The following SLC39A11 variants were observed in gnomAD, a reference collection of about 807,000 sequenced individuals.
SLC39A11 encodes the protein solute carrier family 39 member 11, also known as zinc transporter ZIP11.
SLC39A11 carries 33 observed loss-of-function variants against 36.1 expected under a neutral mutation model. The ratio of observed to expected loss-of-function variants is 0.91; its 90% confidence interval spans 0.69 to 1.22. SLC39A11 has a LOEUF of 1.22. Ranked by LOEUF, SLC39A11 falls within the 50% of genes most tolerant of loss-of-function variation. The pLI, the probability that SLC39A11 is intolerant of heterozygous loss-of-function variation, is 0.00. For missense variants in SLC39A11, 432 were observed against 430.3 expected, an observed-to-expected ratio of 1.00 and a Z score of -0.03; for synonymous variants, 166 against 170.3, an observed-to-expected ratio of 0.97 and a Z score of 0.20.
At chr17:72,882,597 T>C (rs1174370518) in intron 5 of SLC39A11, among the ~76,000 whole-genome samples, 2 of 152,098 alleles carry the variant, frequency 1.3e-5, no homozygotes, top group Admixed American at 6.6e-5. Flanking sequence ...AGATTGTCTT[T>C]AAACCATAGA....
chr17:73,008,165 G>GTT (rs1555676170), intron 4 of SLC39A11, among the ~76,000 whole-genome samples: 1,004 of 32,790 alleles, frequency 0.031, 16 homozygotes, highest in East Asian at 0.12. Flanking sequence ...TTTTTTTTTT[G>GTT]TTTTTTTTTT....
chr17:72,711,156 C>T (rs34925518), intron 7 of SLC39A11, among the ~76,000 whole-genome samples: 30,676 of 152,166 alleles, frequency 0.2, 3,848 homozygotes, highest in Admixed American at 0.34. Flanking sequence ...AGCCTGGTTG[C>T]CTAAGGCAGG....
At chr17:72,909,974 G>A (rs1057040004) in intron 5 of SLC39A11, among the ~76,000 whole-genome samples, 7 of 151,514 alleles carry the variant, frequency 4.6e-5, no homozygotes, top group East Asian at 3.9e-4. Flanking sequence ...GGATGGTCTC[G>A]ATCTCCTCAC....
intron 7 of SLC39A11, among the ~76,000 whole-genome samples, chr17:72,668,608 A>G (rs1270396468): frequency 6.6e-6 from 1 of 152,230 alleles, no homozygotes; most frequent in African/African-American, 2.4e-5. Context: ...CAAAGTGAGG[A>G]GAGAGAGCAC....
intron 5 of SLC39A11, among the ~76,000 whole-genome samples, chr17:72,876,665 T>C (rs891197335): frequency 1.3e-5 from 2 of 152,164 alleles, no homozygotes; most frequent in East Asian, 1.9e-4. Context: ...TAACTGATCA[T>C]GTGCTTCCTA....
intron 4 of SLC39A11, among the ~76,000 whole-genome samples, chr17:72,991,419 G>A (rs926560880): frequency 4.6e-5 from 7 of 151,532 alleles, no homozygotes; most frequent in East Asian, 1.9e-4. Flanking sequence ...GTGCAGTGGC[G>A]TGATCTCGGC....
At chr17:73,028,356 C>T (rs545855967) in intron 4 of SLC39A11, among the ~76,000 whole-genome samples, 4 of 152,274 alleles carry the variant, frequency 2.6e-5, no homozygotes, top group African/African-American at 4.8e-5. Flanking sequence ...AGAGCATCTT[C>T]GATAGATCCA....
At chr17:73,064,184 G>A (rs763687326) in intron 3 of SLC39A11, among the ~76,000 whole-genome samples, 4 of 152,174 alleles carry the variant, frequency 2.6e-5, no homozygotes, top group African/African-American at 4.8e-5. Flanking sequence ...TCTCACCATC[G>A]GGCCTGATGG....
chr17:72,863,620 C>T (rs1487532743), intron 5 of SLC39A11, among the ~76,000 whole-genome samples: 1 of 152,220 alleles, frequency 6.6e-6, no homozygotes, highest in African/African-American at 2.4e-5. Context: ...GACCTCCTCA[C>T]TGACATCTGT....
chr17:72,677,994 C>T (rs1219203589), intron 7 of SLC39A11, among the ~76,000 whole-genome samples: 5 of 152,292 alleles, frequency 3.3e-5, no homozygotes, highest in East Asian at 3.9e-4. Context: ...CTGGCAGGAG[C>T]GCCCTTTCCC....
chr17:72,861,834 G>A (rs1468929859), intron 5 of SLC39A11, among the ~76,000 whole-genome samples: 1 of 126,480 alleles, frequency 7.9e-6, no homozygotes, highest in East Asian at 2.4e-4. Flanking sequence ...GCTGATTTTT[G>A]TTCAAAAATT....
At position 72,931,295 on chromosome 17, in the gene SLC39A11, T is replaced by C. The variant is rs555223396; in HGVS notation, c.430+16457A>G. ...ATGCCTTGTTAACCAAGTCGAGAAGTACTGGTGGACTGCAGAAGCGAGAGG... is the reference window on the plus strand; with the variant it reads ...ATGCCTTGTTAACCAAGTCGAGAAGCACTGGTGGACTGCAGAAGCGAGAGG... On this transcript the variant is annotated intron_variant, in intron 5 of 9. Coordinates refer to ENST00000255559, the MANE Select transcript of SLC39A11 (RefSeq NM_139177.4). Among the ~76,000 whole-genome samples the C allele has an allele frequency of 1.1e-4, 16 of 152,222 alleles. 1 individual carries two copies. The highest frequency in any genetic ancestry group is 8.3e-4 in the South Asian group (4 of 4,820).
chr17:72,989,477 C>T (rs2089011625), intron 4 of SLC39A11, among the ~76,000 whole-genome samples: 1 of 152,180 alleles, frequency 6.6e-6, no homozygotes, highest in Non-Finnish European at 1.5e-5. Flanking sequence ...TTTATACTAT[C>T]CCAGGATATG....
intron 5 of SLC39A11, among the ~76,000 whole-genome samples, chr17:72,924,223 A>C (rs1165656207): frequency 2.0e-5 from 3 of 150,990 alleles, no homozygotes; most frequent in African/African-American, 7.3e-5. Flanking sequence ...AGACAAAACT[A>C]AGGGCACGTT....
intron 3 of SLC39A11, among the ~76,000 whole-genome samples, chr17:73,062,475 A>AAAAAAAAAAAAAAAAAAAAAAAACC (rs56021607): frequency 3.4e-5 from 3 of 87,034 alleles, no homozygotes; most frequent in Non-Finnish European, 6.4e-5. Flanking sequence ...AAAAAAAAAA[A>AAAAAAAAAAAAAAAAAAAAAAAACC]AAACTTTAGG....
chr17:72,715,566 C>A (rs1350421912), intron 7 of SLC39A11, among the ~76,000 whole-genome samples: 1 of 152,174 alleles, frequency 6.6e-6, no homozygotes, highest in African/African-American at 2.4e-5. Flanking sequence ...CTGTGTGATG[C>A]CACTTCTATG....
At chr17:72,913,692 CT>C (rs1273819798) in intron 5 of SLC39A11, among the ~76,000 whole-genome samples, 13 of 152,258 alleles carry the variant, frequency 8.5e-5, no homozygotes, top group African/African-American at 3.1e-4. Context: ...GGACCATGAA[CT>C]TGACATGAAG....
intron 5 of SLC39A11, among the ~76,000 whole-genome samples, chr17:72,885,296 C>T (rs4969120): frequency 0.52 from 79,212 of 151,998 alleles, 22,579 homozygotes; most frequent in African/African-American, 0.75. Context: ...CAGTTTCATA[C>T]TTTTGCAAAT....
intron 6 of SLC39A11, among the ~76,000 whole-genome samples, chr17:72,831,162 C>T (rs372207674): frequency 2.5e-4 from 38 of 152,110 alleles, no homozygotes; most frequent in African/African-American, 8.9e-4. Context: ...ATGCCCCAAC[C>T]TCTTCCCTAA....
Sources: gnomAD v4.1 joint callset for allele counts (sites outside exome capture counted in the v4.1 genomes callset) on GRCh38, gnomAD v4.1.1 for gene constraint, MANE v1.5 for transcripts, NCBI Gene and HGNC (gene_info 2026-07-23, HGNC 2026-07-21) for gene names.